The following GGT1 variants were observed in gnomAD, a reference collection of about 807,000 sequenced individuals.
GGT1 encodes gamma-glutamyltransferase 1, also known as glutathione hydrolase 1 proenzyme.
A neutral mutation model predicts 56.0 loss-of-function variants in GGT1; 21 were observed. The observed-to-expected ratio is 0.38, with a 90% confidence interval of 0.27 to 0.54. The LOEUF (loss-of-function observed/expected upper bound fraction) is 0.54, where lower values mean the gene tolerates loss of function less well. Among genes scored for constraint, GGT1 ranks in the 20% least tolerant of loss-of-function variants. The pLI, the probability that GGT1 is intolerant of heterozygous loss-of-function variation, is 0.82. For synonymous variants in GGT1, 238 were observed against 342.6 expected (o/e 0.69, Z 3.37); for missense variants, 466 against 787.0 (o/e 0.59, Z 4.88).
chr22:24,626,596 G>A lies in GGT1; in HGVS notation c.1021-836G>A, dbSNP rs923636277. Among the ~76,000 whole-genome samples, 11 of 151,796 alleles carry A rather than the reference G, an allele frequency of 7.2e-5. No homozygotes were observed. The East Asian group carries it at 1.9e-3, about 27-fold the overall frequency. On this transcript the variant is annotated intron_variant, in intron 11 of 15. Transcript: ENST00000400382. The stretch of plus-strand genomic sequence containing the variant: ...ATCCCCAAACCTGCCCCTTCTGCAG[G>A]GTTTACCTCGCTAGTCGGCGCCATC...
At position 24,627,985 on chromosome 22, in the gene GGT1, G is replaced by A. The variant is rs569730357; in HGVS notation, c.1336+6G>A. The A allele has an allele frequency of 6.8e-6, 11 of 1,613,294 alleles. No homozygotes were observed. The African/African-American group carries it at 1.5e-4, about 22-fold the overall frequency. Reference sequence around the variant, plus strand: ...TGCCAATTTCATCCAGCCAGGTATGGGGTGGAGGTCCGGGGGTGGGGGACT... The same window carrying A: ...TGCCAATTTCATCCAGCCAGGTATGAGGTGGAGGTCCGGGGGTGGGGGACT... On this transcript the variant is annotated splice_donor_region_variant and intron_variant, in intron 13 of 15. Transcript: ENST00000400382.
the GGT1 span, chr22:24,589,050 G>A: frequency 4.9e-6 from 5 of 1,024,038 alleles, no homozygotes; most frequent in Non-Finnish European, 5.9e-6. Context: ...TTCCTGTGAT[G>A]GCCGTGGGCT....
At chr22:24,618,749 A>G (rs1303583595) in intron 7 of GGT1, among the ~76,000 whole-genome samples, 1 of 152,182 alleles carries the variant, frequency 6.6e-6, no homozygotes, top group Non-Finnish European at 1.5e-5. Flanking sequence ...GCCAGGCTTC[A>G]GGGTGGGAGA....
At chr22:24,605,303 T>C (rs1166310571) in intron 1 of GGT1, among the ~76,000 whole-genome samples, 4 of 56,388 alleles carry the variant, frequency 7.1e-5, no homozygotes, top group Admixed American at 3.7e-4. Context: ...ATATGTATTA[T>C]ATATTATATA....
rs1183971361 is a variant in GGT1, at chr22:24,607,989, T to C, written c.-393T>C. 2 of 468,550 alleles carry C rather than the reference T, an allele frequency of 4.3e-6. No individual in the cohort carries two copies. The highest frequency in any genetic ancestry group is 4.7e-5 in the Admixed American group (2 of 42,490). The allele number at this position is 468,550 out of a possible 1,614,324, so 29.0% of individuals were successfully genotyped here. Reference sequence around the variant, plus strand: ...CCAGAACTGTCTTCTGAGGAAGAGGTGCTCTCCTGGGCCCCCACTGTCCCC... The same window carrying C: ...CCAGAACTGTCTTCTGAGGAAGAGGCGCTCTCCTGGGCCCCCACTGTCCCC... On this transcript the variant is annotated 5_prime_UTR_variant, in exon 2 of 16. Coordinates refer to ENST00000400382, the MANE Select transcript of GGT1 (RefSeq NM_001288833.2).
Position 24,620,402 on chromosome 22 carries a change from T to C in GGT1, c.457T>C (p.Trp153Arg). The C allele has an allele frequency of 6.2e-7, 1 of 1,611,240 alleles. No individual in the cohort carries two copies. Among genetic ancestry groups the C allele is most frequent in the Non-Finnish European group, 8.5e-7 (1 of 1,179,628 alleles). ...LAHQRHGRLP[W>R]ARLFQPSIQL... ...ACACCAGCGGCATGGGCGGCTGCCC[T>C]GGGCTCGCCTCTTCCAGCCCAGCAT... The change falls in exon 8 of 16, where the codon TGG becomes CGG. Residue 153 changes from tryptophan to arginine, a missense_variant. By Grantham distance (101) the Trp-to-Arg change is moderately radical (BLOSUM62 -3). This residue lies in a region of GGT1 where 456 missense variants were observed against 716.7 expected (regional missense o/e 0.64). Coordinates refer to ENST00000400382, the MANE Select transcript of GGT1 (RefSeq NM_001288833.2). The surrounding 1 kb of genome is among the most constrained non-coding windows in gnomAD (Gnocchi z 5.6).
rs1407524123 is a variant in GGT1 at position 24,627,859 on chromosome 22, T to A, written c.1216T>A (p.Ser406Thr). 5.0e-6 allele frequency: 8 copies of A among 1,613,184 alleles called. No homozygotes were observed. Among genetic ancestry groups the A allele is most frequent in the African/African-American group, 1.3e-5 (1 of 74,886 alleles). ...ATSTINLYFG[S>T]KVRSPVSGIL... is the part of the protein sequence containing the mutation. ...GACCTGGCTGGGCGGTAGCTTTGGCTCCAAGGTCCGCTCCCCGGTCAGCGG... is the reference window on the plus strand; with the variant it reads ...GACCTGGCTGGGCGGTAGCTTTGGCACCAAGGTCCGCTCCCCGGTCAGCGG... The change falls in exon 13 of 16, where the codon TCC becomes ACC. Residue 406 changes from serine to threonine, a missense_variant. Ser to Thr is a moderately conservative substitution (Grantham distance 58). This residue lies in a region of GGT1 where 456 missense variants were observed against 716.7 expected (regional missense o/e 0.64). Coordinates refer to ENST00000400382, the MANE Select transcript of GGT1 (RefSeq NM_001288833.2).
intron 1 of GGT1, among the ~76,000 whole-genome samples, chr22:24,605,856 G>A (rs190190479): frequency 1.3e-4 from 8 of 59,998 alleles, no homozygotes; most frequent in Non-Finnish European, 1.4e-4. Context: ...TATAATATAT[G>A]ATGTGTATTA....
the GGT1 span, chr22:24,585,836 G>A: frequency 6.7e-7 from 1 of 1,482,072 alleles, no homozygotes; most frequent in Admixed American, 2.2e-5. Flanking sequence ...CCACTATCAT[G>A]TGCTTGAGAG....
At chr22:24,621,651 G>C (rs547232059) in intron 9 of GGT1, among the ~76,000 whole-genome samples, 6 of 152,248 alleles carry the variant, frequency 3.9e-5, no homozygotes, top group Middle Eastern at 3.4e-3. Context: ...TACCCTGTCT[G>C]TCTGGAGCTG....
upstream of GGT1, among the ~76,000 whole-genome samples, chr22:24,600,842 A>C (rs1460416700): frequency 1.3e-5 from 2 of 152,206 alleles, no homozygotes; most frequent in African/African-American, 4.8e-5. Context: ...GCCCACCTGC[A>C]GCAGGTGTTA....
intron 1 of GGT1, among the ~76,000 whole-genome samples, chr22:24,595,371 G>A (rs2045674755): frequency 6.6e-6 from 1 of 152,200 alleles, no homozygotes. Flanking sequence ...AGGCATGGGG[G>A]CATGATTCCA....
Position 24,623,165 on chromosome 22 carries a change from G to A in GGT1, c.792G>A (p.Pro264=), listed in dbSNP as rs1394405700. The A allele has an allele frequency of 2.5e-6, 4 of 1,604,298 alleles. No homozygotes were observed. Among genetic ancestry groups the A allele is most frequent in the African/African-American group, 1.3e-5 (1 of 74,462 alleles). ...ACCGTGCTGAGCTGATCGAGCACCCGCTGAACATCAGCCTGGGAGACGTGG... is the reference window on the plus strand; with the variant it reads ...ACCGTGCTGAGCTGATCGAGCACCCACTGAACATCAGCCTGGGAGACGTGG... ...NNYRAELIEH[P]LNISLGDVVL... Residue 264 remains proline (P), a synonymous_variant, in exon 10 of 16, where the codon CCG becomes CCA. Transcript: ENST00000400382.
At chr22:24,588,523 G>C in the GGT1 span, 1 of 756,420 alleles carries the variant, frequency 1.3e-6, no homozygotes, top group Non-Finnish European at 2.1e-6. Flanking sequence ...AGGGGAGGCT[G>C]CCCTCTGGGA....
At chr22:24,593,784 C>T (rs1338177237), upstream of GGT1, among the ~76,000 whole-genome samples, 1 of 145,416 alleles carries the variant, frequency 6.9e-6, no homozygotes, top group Admixed American at 6.7e-5. Flanking sequence ...AAAACTCTGT[C>T]TCAAAAAAAA....
the GGT1 span, among the ~76,000 whole-genome samples, chr22:24,587,710 TCA>T: frequency 6.6e-6 from 1 of 152,136 alleles, no homozygotes; most frequent in Non-Finnish European, 1.5e-5. Flanking sequence ...CACGGAAGCC[TCA>T]GTTTTAGGCA....
chr22:24,628,094 C>G lies in GGT1; in HGVS notation c.1350C>G (p.Leu450=), dbSNP rs1213328622. 2 of 1,611,970 alleles carry G rather than the reference C, an allele frequency of 1.2e-6. No homozygotes were observed. Among genetic ancestry groups the G allele is most frequent in the South Asian group, 2.2e-5 (2 of 90,994 alleles). ...ANFIQPGKQP[L]SSMCPTIMVG... is the part of the protein sequence containing the mutation. ...CATCGGCCGCAGGGAAGCAGCCGCT[C>G]TCGTCCATGTGCCCGACGATCATGG... is the stretch of plus-strand genomic sequence containing the variant. The change falls in exon 14 of 16, where the codon CTC becomes CTG. Residue 450 remains leucine, a synonymous_variant. Coordinates refer to ENST00000400382, the MANE Select transcript of GGT1 (RefSeq NM_001288833.2). This position sits in a 1 kb window ranked among gnomAD's most constrained non-coding sequence, Gnocchi z 5.7.
the GGT1 span, among the ~76,000 whole-genome samples, chr22:24,584,736 C>T: frequency 6.6e-6 from 1 of 152,164 alleles, no homozygotes; most frequent in Admixed American, 6.5e-5. Flanking sequence ...GCCCCCAGAC[C>T]TTACCTCCTG....
At chr22:24,596,750 A>T (rs958645056) in intron 1 of GGT1, among the ~76,000 whole-genome samples, 8 of 150,048 alleles carry the variant, frequency 5.3e-5, no homozygotes, top group African/African-American at 2.0e-4. Context: ...TACAAAAAAA[A>T]AAAAAAAAAA....
Sources: allele counts gnomAD v4.1 joint callset (sites outside exome capture counted in the v4.1 genomes callset), GRCh38; gene constraint gnomAD v4.1.1; regional missense constraint gnomAD v4.1.1; non-coding constraint Gnocchi (gnomAD v3.1); transcripts MANE v1.5; gene names NCBI Gene and HGNC (gene_info 2026-07-23, HGNC 2026-07-21).